Variants in RRM2 observed in about 807,000 individuals in gnomAD.
The protein encoded by RRM2 is ribonucleoside-diphosphate reductase subunit M2.
A neutral mutation model predicts 45.9 loss-of-function variants in RRM2; 6 were observed. The observed-to-expected ratio is 0.13, with a 90% confidence interval of 0.07 to 0.26. RRM2 has a LOEUF of 0.26. Ranked by LOEUF, RRM2 falls within the 10% of genes least tolerant of loss-of-function variation. The pLI, the probability that RRM2 is intolerant of heterozygous loss-of-function variation, is 1.00. For synonymous variants in RRM2, 177 were observed against 173.0 expected (o/e 1.02, Z -0.18); for missense variants, 343 against 489.5 (o/e 0.70, Z 2.82).
At chr2:10,162,981 C>T (rs890946058) in intron 3 of RRM2, among the ~76,000 whole-genome samples, 45 of 152,206 alleles carry the variant, frequency 3.0e-4, no homozygotes, top group African/African-American at 9.2e-4. Flanking sequence ...AGAGTCTGCA[C>T]GGGGCTGCCA....
chr2:10,195,388 A>C lies in RRM2; in HGVS notation n.483-14923A>C, dbSNP rs755024740. On this transcript the variant is annotated intron_variant and non_coding_transcript_variant, in intron 3 of 3. Coordinates refer to the RRM2 transcript ENST00000381786. This position sits in a 1 kb window ranked among gnomAD's most constrained non-coding sequence, Gnocchi z 4.9. Reference sequence around the variant, plus strand: ...GCGGACACAGGGCCTCTGAGCGGACAGTGCTGGCGGAGCCCTGGGGAGCAC... The same window carrying C: ...GCGGACACAGGGCCTCTGAGCGGACCGTGCTGGCGGAGCCCTGGGGAGCAC... 2.0e-5 allele frequency among the ~76,000 whole-genome samples: 3 copies of C among 151,816 alleles called. No individual in the cohort carries two copies. Among genetic ancestry groups the C allele is most frequent in the Non-Finnish European group, 4.4e-5 (3 of 67,922 alleles).
chr2:10,199,357 T>C (rs1295910598), intron 3 of RRM2: 1 of 149,196 alleles, frequency 6.7e-6, no homozygotes, highest in Non-Finnish European at 1.5e-5. Context: ...GCCAGAAAAA[T>C]TAGAATTTAA....
intron 3 of RRM2, among the ~76,000 whole-genome samples, chr2:10,191,683 C>T (rs537798189): frequency 1.6e-4 from 25 of 152,138 alleles, no homozygotes; most frequent in Non-Finnish European, 2.8e-4. Context: ...GGGCTCAGGA[C>T]CCAGGGGCTC....
chr2:10,154,302 C>T (rs902673879), intron 3 of RRM2, among the ~76,000 whole-genome samples: 17 of 151,892 alleles, frequency 1.1e-4, no homozygotes, highest in African/African-American at 2.7e-4. Flanking sequence ...AGCGAGACCT[C>T]GCCTCTACTA....
At chr2:10,125,514 G>C (rs2125306621) in intron 5 of RRM2, among the ~76,000 whole-genome samples, 1 of 152,256 alleles carries the variant, frequency 6.6e-6, no homozygotes, top group Non-Finnish European at 1.5e-5. Context: ...GACCATCCTG[G>C]CTAACACGGT....
Position 10,130,234 on chromosome 2 carries a change from GA to G in RRM2, c.*854del, listed in dbSNP as rs1184546204. 6.6e-6 allele frequency: 1 copy of G among 152,154 alleles called. No individual in the cohort carries two copies. Among genetic ancestry groups the G allele is most frequent in the African/African-American group, 2.4e-5 (1 of 41,430 alleles). The allele number at this position is 152,154 out of a possible 1,614,324, so 9.4% of individuals were successfully genotyped here. On this transcript the variant is annotated 3_prime_UTR_variant, in exon 10 of 10. Transcript: ENST00000304567. ...ATTTTCCTCAACGTCTGGTTGATGA[GA>G]AAAAATTCTTGAAGAGTTTTCATAT...
chr2:10,126,788 T>C, intron 5 of RRM2, 87 bp from the exon 6 acceptor site: 1 of 967,380 alleles, frequency 1.0e-6, no homozygotes, highest in South Asian at 1.6e-5. Flanking sequence ...GAATTTGGCC[T>C]TTGTCCCAGA....
rs777776397 is a variant in RRM2, at chr2:10,123,077, C to T, written c.174+20C>T. The T allele has an allele frequency of 6.5e-7, 1 of 1,539,136 alleles. No individual in the cohort carries two copies. Among genetic ancestry groups the T allele is most frequent in the South Asian group, 1.2e-5 (1 of 84,498 alleles). ...GAGCCGGTGAGTGGCGGGCGTGGGG[C>T]AGAGGGGCCAGGGACGGCCTTGGGC... On this transcript the variant is annotated intron_variant, in intron 2 of 9. Coordinates refer to ENST00000304567, the MANE Select transcript of RRM2 (RefSeq NM_001034.4).
chr2:10,198,686 C>T (rs1028166409), intron 3 of RRM2: 4 of 152,122 alleles, frequency 2.6e-5, no homozygotes, highest in African/African-American at 9.7e-5. Context: ...GCTCAACAGT[C>T]CAAGACAGGT....
chr2:10,192,449 C>T (rs889095089), intron 3 of RRM2, among the ~76,000 whole-genome samples: 2 of 152,214 alleles, frequency 1.3e-5, no homozygotes, highest in African/African-American at 2.4e-5. Context: ...GGAGAACACA[C>T]TTTGGGAAGC....
At chr2:10,141,172 G>A (rs370598957), upstream of RRM2, among the ~76,000 whole-genome samples, 1 of 152,144 alleles carries the variant, frequency 6.6e-6, no homozygotes, top group African/African-American at 2.4e-5. Context: ...CAAAGAGGTC[G>A]GCCAATGGGG....
At chr2:10,135,876 C>G (rs1044968447), downstream of RRM2, among the ~76,000 whole-genome samples, 6 of 152,098 alleles carry the variant, frequency 3.9e-5, no homozygotes, top group African/African-American at 1.4e-4. Flanking sequence ...TCCCTGCCTC[C>G]CCAGGGACTG....
chr2:10,163,421 G>A (rs1400020613), intron 3 of RRM2, among the ~76,000 whole-genome samples: 1 of 152,166 alleles, frequency 6.6e-6, no homozygotes, highest in African/African-American at 2.4e-5. Flanking sequence ...GTGGGTGTGG[G>A]GCAGCCAGGC....
chr2:10,165,297 C>T (rs1480469917), intron 3 of RRM2, among the ~76,000 whole-genome samples: 1 of 152,184 alleles, frequency 6.6e-6, no homozygotes, highest in Non-Finnish European at 1.5e-5. Context: ...TTTGAGAGAC[C>T]CCATCAAACA....
chr2:10,206,530 AAG>A (rs1358926600), intron 3 of RRM2, among the ~76,000 whole-genome samples: 3 of 152,190 alleles, frequency 2.0e-5, no homozygotes, highest in Non-Finnish European at 4.4e-5. Flanking sequence ...AAAAACACAA[AAG>A]AGAGGCAAAA....
rs775184192 is a variant in RRM2, at chr2:10,126,884, C to T, written c.579C>T (p.Leu193=). 6.2e-7 allele frequency: 1 copy of T among 1,613,578 alleles called. No homozygotes were observed. The highest frequency in any genetic ancestry group is 8.5e-7 in the Non-Finnish European group (1 of 1,179,716). The change falls in exon 6 of 10, where the codon CTC becomes CTT. Residue 193 remains leucine, a synonymous_variant. Coordinates refer to ENST00000304567, the MANE Select transcript of RRM2 (RefSeq NM_001034.4). ...YIKDPKEREF[L]FNAIETMPCV... is the part of the protein sequence containing the mutation. The stretch of plus-strand genomic sequence containing the variant: ...CGTATGTGCCTACTAGGGAATTTCT[C>T]TTCAATGCCATTGAAACGATGCCTT...
intron 2 of RRM2, chr2:10,142,171 T>C: frequency 1.9e-6 from 3 of 1,540,538 alleles, no homozygotes; most frequent in Non-Finnish European, 2.6e-6. Flanking sequence ...GAGTGAGGGG[T>C]GGGAGATGGG....
At chr2:10,196,820 A>G (rs6745337) in intron 3 of RRM2, among the ~76,000 whole-genome samples, 25,594 of 152,230 alleles carry the variant, frequency 0.17, 2,506 homozygotes, top group Non-Finnish European at 0.22. Context: ...GACTGATGCC[A>G]GGGCCTCAGA....
chr2:10,194,117 G>A (rs1477131758), intron 3 of RRM2, among the ~76,000 whole-genome samples: 1 of 152,206 alleles, frequency 6.6e-6, no homozygotes, highest in Admixed American at 6.5e-5. Flanking sequence ...TTCATCTTAT[G>A]AGTCATCGTT....
Sources: gnomAD v4.1 joint callset for allele counts (sites outside exome capture counted in the v4.1 genomes callset) on GRCh38, gnomAD v4.1.1 for gene constraint, Gnocchi (gnomAD v3.1) non-coding constraint, MANE v1.5 for transcripts, NCBI Gene and HGNC (gene_info 2026-07-23, HGNC 2026-07-21) for gene names.